FGFR2: variants seen among roughly 807,000 people sequenced by gnomAD.
The protein encoded by FGFR2 is fibroblast growth factor receptor 2.
Under a neutral mutation model 95.9 loss-of-function variants are expected in FGFR2, and 19 were observed. The ratio of observed to expected loss-of-function variants is 0.20; its 90% CI spans 0.14 to 0.29. The LOEUF is 0.29. FGFR2 is among the 10% of genes least tolerant of loss of function. The probability of loss-of-function intolerance (pLI) is 1.00; values close to 1 mark genes in which losing one functional copy is unlikely to be tolerated. For missense variants in FGFR2, 707 were observed against 1,056.9 expected, an observed-to-expected ratio of 0.67 and a Z score of 4.59; for synonymous variants, 392 against 393.3, an observed-to-expected ratio of 1.00 and a Z score of 0.04.
intron 6 of FGFR2, among the ~76,000 whole-genome samples, chr10:121,533,016 CA>C (rs1852302337): frequency 6.6e-6 from 1 of 152,206 alleles, no homozygotes; most frequent in African/African-American, 2.4e-5. Context: ...GATGGGCCCC[CA>C]AACAACAACT....
At chr10:121,496,017 C>T (rs954361548) in intron 13 of FGFR2, among the ~76,000 whole-genome samples, 22 of 152,286 alleles carry the variant, frequency 1.4e-4, no homozygotes, top group African/African-American at 4.6e-4. Flanking sequence ...GAGGGTCACC[C>T]GCCAAACGAG....
intron 2 of FGFR2, among the ~76,000 whole-genome samples, chr10:121,577,178 T>TATATATAGAGAGAGAGAG: frequency 6.0e-3 from 31 of 5,208 alleles, no homozygotes; most frequent in African/African-American, 7.8e-3. Context: ...TATATATATA[T>TATATATAGAGAGAGAGAG]AGAGAGAGAG....
chr10:121,543,154 C>A (rs1457442029), intron 5 of FGFR2, among the ~76,000 whole-genome samples: 1 of 152,172 alleles, frequency 6.6e-6, no homozygotes, highest in African/African-American at 2.4e-5. Context: ...TAATCCTGGC[C>A]TTCACAGAGG....
At chr10:121,547,717 G>T (rs533686936) in intron 5 of FGFR2, among the ~76,000 whole-genome samples, 1 of 152,114 alleles carries the variant, frequency 6.6e-6, no homozygotes, top group South Asian at 2.1e-4. Flanking sequence ...TTAAGTCTAC[G>T]TAGGTAACGA....
At chr10:121,511,482 A>G (rs188641504) in intron 9 of FGFR2, among the ~76,000 whole-genome samples, 164 of 152,274 alleles carry the variant, frequency 1.1e-3, no homozygotes, top group African/African-American at 3.9e-3. Flanking sequence ...GAAAACACAG[A>G]AAGTAATGCT....
At chr10:121,538,817 G>T in intron 5 of FGFR2, 102 bp from the exon 6 acceptor site, 3 of 1,482,334 alleles carry the variant, frequency 2.0e-6, no homozygotes, top group Non-Finnish European at 2.8e-6. Flanking sequence ...GGCAAGAAAG[G>T]TATGGAAGAA....
At chr10:121,555,760 A>G (rs1856044212) in intron 4 of FGFR2, among the ~76,000 whole-genome samples, 1 of 152,204 alleles carries the variant, frequency 6.6e-6, no homozygotes, top group Non-Finnish European at 1.5e-5. Flanking sequence ...ATACCTACTC[A>G]TTATCATTTT....
Position 121,479,986 on chromosome 10 carries a change from A to G in FGFR2, c.2337T>C (p.Tyr779=), listed in dbSNP as rs768983108. The change falls in exon 18 of 18, where the codon TAT becomes TAC. Residue 779 remains tyrosine (Y), a synonymous_variant. Coordinates refer to ENST00000358487, the MANE Select transcript of FGFR2 (RefSeq NM_000141.5). ...TTCTTGTGTCAGGGTAACTAGGTGAATACTGTTCGAGAGGTTGGCTGAGGT... is the reference window on the plus strand; with the variant it reads ...TTCTTGTGTCAGGGTAACTAGGTGAGTACTGTTCGAGAGGTTGGCTGAGGT... ...YLDLSQPLEQ[Y]SPSYPDTRSS... is the part of the protein sequence containing the mutation. 1.9e-6 allele frequency: 3 copies of G among 1,614,236 alleles called. No individual in the cohort carries two copies. The highest frequency in any genetic ancestry group is 1.7e-6 in the Non-Finnish European group (2 of 1,180,044).
At chr10:121,553,917 C>T (rs1304445399) in intron 4 of FGFR2, among the ~76,000 whole-genome samples, 1 of 152,224 alleles carries the variant, frequency 6.6e-6, no homozygotes, top group African/African-American at 2.4e-5. Flanking sequence ...GCCCAGACCA[C>T]GCGCACCTAT....
chr10:121,538,431 A>G (rs1853188716), intron 6 of FGFR2, 161 bp downstream of exon 6: 1 of 1,088,794 alleles, frequency 9.2e-7, no homozygotes, highest in African/African-American at 1.5e-5. Context: ...GAATATTGTC[A>G]GATGACAGAA....
chr10:121,573,490 G>A (rs1202243966), intron 2 of FGFR2, among the ~76,000 whole-genome samples: 2 of 151,942 alleles, frequency 1.3e-5, no homozygotes, highest in Non-Finnish European at 2.9e-5. Context: ...CCAGGAAGAA[G>A]AAAGAGAGAA....
At chr10:121,552,485 A>G (rs776981372) in intron 4 of FGFR2, among the ~76,000 whole-genome samples, 1 of 152,230 alleles carries the variant, frequency 6.6e-6, no homozygotes, top group South Asian at 2.1e-4. Flanking sequence ...AGAGCAGTTA[A>G]GTAACCTGCC....
At chr10:121,570,423 A>T (rs1480195216) in intron 2 of FGFR2, among the ~76,000 whole-genome samples, 1 of 152,178 alleles carries the variant, frequency 6.6e-6, no homozygotes, top group African/African-American at 2.4e-5. Flanking sequence ...GTCACCCCCC[A>T]TGGATGGACA....
intron 2 of FGFR2, among the ~76,000 whole-genome samples, chr10:121,589,917 C>T (rs544177612): frequency 6.6e-5 from 10 of 152,272 alleles, no homozygotes; most frequent in Non-Finnish European, 1.3e-4. Context: ...TCTTGGTATG[C>T]GGATATATTC....
At chr10:121,511,399 G>C (rs1210780156) in intron 9 of FGFR2, among the ~76,000 whole-genome samples, 3 of 152,114 alleles carry the variant, frequency 2.0e-5, no homozygotes, top group Admixed American at 6.6e-5. Context: ...TCCTAAACAG[G>C]CATCCTCAGT....
chr10:121,518,150 C>A lies in FGFR2; in HGVS notation c.940-687G>T. On this transcript the variant is annotated intron_variant, in intron 7 of 17. Coordinates refer to ENST00000358487, the MANE Select transcript of FGFR2 (RefSeq NM_000141.5). This position sits in a 1 kb window ranked among gnomAD's most constrained non-coding sequence, Gnocchi z 4.0. ...TCAACCTTTTGCCTTTAGTAGCGTC[C>A]AGTAGTACATTCATTAAGATGAGCT... is the stretch of plus-strand genomic sequence containing the variant. The A allele has an allele frequency of 6.3e-6, 2 of 316,144 alleles. No individual in the cohort carries two copies. Among genetic ancestry groups the A allele is most frequent in the Non-Finnish European group, 1.2e-5 (2 of 161,224 alleles). 19.6% of individuals were successfully genotyped at this position (316,144 alleles called of 1,614,324 possible).
chr10:121,545,794 A>T (rs557084106), intron 5 of FGFR2, among the ~76,000 whole-genome samples: 1 of 152,370 alleles, frequency 6.6e-6, no homozygotes, highest in Admixed American at 6.5e-5. Flanking sequence ...CAACCAGTTT[A>T]GTAGTGATTA....
chr10:121,578,395 G>T (rs895142147), intron 2 of FGFR2, among the ~76,000 whole-genome samples: 1 of 152,054 alleles, frequency 6.6e-6, no homozygotes, highest in East Asian at 1.9e-4. Flanking sequence ...CAGCTCCTCC[G>T]TGAAAATCCC....
At chr10:121,552,588 C>G (rs1855557877) in intron 4 of FGFR2, among the ~76,000 whole-genome samples, 1 of 152,204 alleles carries the variant, frequency 6.6e-6, no homozygotes, top group Non-Finnish European at 1.5e-5. Flanking sequence ...CTCTCCACTG[C>G]TAAGAAGATG....
Sources: gnomAD v4.1 joint callset for allele counts (sites outside exome capture counted in the v4.1 genomes callset) on GRCh38, gnomAD v4.1.1 for gene constraint, Gnocchi (gnomAD v3.1) non-coding constraint, MANE v1.5 for transcripts, NCBI Gene and HGNC (gene_info 2026-07-23, HGNC 2026-07-21) for gene names.